Variants in ST7L observed in about 807,000 individuals in gnomAD.
ST7L encodes the protein suppression of tumorigenicity 7 like.
A neutral mutation model predicts 72.5 loss-of-function variants in ST7L; 57 were observed. That is an observed-to-expected ratio of 0.79 (90% CI 0.64 to 0.98). The LOEUF is 0.98. ST7L is among the 50% of genes least tolerant of loss of function. ST7L has a pLI of 0.00. For synonymous variants in ST7L, 221 were observed against 240.9 expected (o/e 0.92, Z 0.77); for missense variants, 576 against 672.2 (o/e 0.86, Z 1.58).
intron 6 of ST7L, among the ~76,000 whole-genome samples, chr1:112,590,178 C>A (rs1428647748): frequency 6.6e-6 from 1 of 152,048 alleles, no homozygotes; most frequent in Non-Finnish European, 1.5e-5. Context: ...TTCAGAAAGC[C>A]AACAGACAGG....
At chr1:112,572,985 C>T (rs1571103687) in intron 11 of ST7L, among the ~76,000 whole-genome samples, 2 of 151,932 alleles carry the variant, frequency 1.3e-5, no homozygotes, top group South Asian at 4.1e-4. Context: ...AAGTTCTTGG[C>T]AAAAACAAGT....
At chr1:112,607,051 A>G (rs1239678732) in intron 3 of ST7L, 1 of 152,218 alleles carries the variant, frequency 6.6e-6, no homozygotes, top group Non-Finnish European at 1.5e-5. Flanking sequence ...TTAATTTCTA[A>G]TATGATAAAT....
At chr1:112,591,835 AGGGT>A (rs1037423687) in intron 5 of ST7L, among the ~76,000 whole-genome samples, 1 of 152,190 alleles carries the variant, frequency 6.6e-6, no homozygotes, top group Non-Finnish European at 1.5e-5. Flanking sequence ...AACAATATAC[AGGGT>A]ACCTAAACAA....
chr1:112,584,870 T>C (rs911023357), intron 6 of ST7L, among the ~76,000 whole-genome samples: 2 of 152,220 alleles, frequency 1.3e-5, no homozygotes, highest in African/African-American at 2.4e-5. Flanking sequence ...ATTGGGAAGA[T>C]AGTCCCTTGG....
At chr1:112,584,948 A>T (rs1231747244) in intron 6 of ST7L, among the ~76,000 whole-genome samples, 2 of 152,162 alleles carry the variant, frequency 1.3e-5, no homozygotes, top group Non-Finnish European at 2.9e-5. Flanking sequence ...CCCAAATCTG[A>T]GTACTCCCCT....
chr1:112,567,861 T>G lies in ST7L; in HGVS notation c.1245+9125A>C, dbSNP rs185532631. On this transcript the variant is annotated intron_variant, in intron 11 of 14. Coordinates refer to ENST00000358039, the MANE Select transcript of ST7L (RefSeq NM_017744.5). ...TTTTATATTTGAATATAAAATAAAA[T>G]TTAGAAGAATTCAGCTATAGTATGC... Among the ~76,000 whole-genome samples, 11 of 152,294 alleles carry G rather than the reference T, an allele frequency of 7.2e-5. No homozygotes were observed. In the East Asian group the frequency reaches 2.1e-3, roughly 29 times the overall value.
intron 14 of ST7L, chr1:112,528,823 G>A (rs1653883357): frequency 6.6e-6 from 1 of 152,166 alleles, no homozygotes. Context: ...AGGCCATAGT[G>A]AATAGAAGAG....
chr1:112,614,224 T>G (rs1669504052), intron 2 of ST7L, among the ~76,000 whole-genome samples: 1 of 139,952 alleles, frequency 7.1e-6, no homozygotes, highest in Non-Finnish European at 1.5e-5. Context: ...CTGCTTAATA[T>G]TGATAGTTTC....
Position 112,540,704 on chromosome 1 carries a change from T to C in ST7L, c.1629+1247A>G, listed in dbSNP as rs2101371882. On this transcript the variant is annotated intron_variant, in intron 14 of 14. Coordinates refer to ENST00000358039, the MANE Select transcript of ST7L (RefSeq NM_017744.5). ...TTTAAGGCACAAAATAAACTATTCT[T>C]AAGGCAGAAAAAGAAACTGTGAGGA... is the stretch of plus-strand genomic sequence containing the variant. 4 of 1,209,402 alleles carry C rather than the reference T, an allele frequency of 3.3e-6. 1 individual carries two copies. Among genetic ancestry groups the C allele is most frequent in the Middle Eastern group, 7.3e-4 (2 of 2,728 alleles). 74.9% of individuals were successfully genotyped at this position (1,209,402 alleles called of 1,614,324 possible).
At chr1:112,550,495 C>T in intron 13 of ST7L, 106 bp downstream of exon 13, 2 of 748,108 alleles carry the variant, frequency 2.7e-6, no homozygotes, top group Non-Finnish European at 2.2e-6. Context: ...AGTATTTAAA[C>T]AGTGTCCTGA....
At chr1:112,534,531 A>G (rs930121937) in intron 14 of ST7L, among the ~76,000 whole-genome samples, 1 of 152,194 alleles carries the variant, frequency 6.6e-6, no homozygotes, top group Non-Finnish European at 1.5e-5. Context: ...CTTGGTTTAG[A>G]ATTGTAATAT....
chr1:112,575,674 A>T (rs562401745), intron 11 of ST7L, among the ~76,000 whole-genome samples: 1 of 152,332 alleles, frequency 6.6e-6, no homozygotes, highest in Admixed American at 6.5e-5. Context: ...TCAGAACGGC[A>T]TGCAACTTAA....
chr1:112,533,167 C>T (rs1412510964), intron 14 of ST7L, among the ~76,000 whole-genome samples: 1 of 150,556 alleles, frequency 6.6e-6, no homozygotes, highest in Admixed American at 6.6e-5. Flanking sequence ...TATTATTGTA[C>T]ATTTTAAGCA....
chr1:112,583,329 G>A (rs1664400760), intron 7 of ST7L, among the ~76,000 whole-genome samples: 1 of 152,156 alleles, frequency 6.6e-6, no homozygotes. Flanking sequence ...ATAGCAGGAA[G>A]CAGCATCATT....
At chr1:112,610,216 G>A (rs1251149130) in intron 3 of ST7L, among the ~76,000 whole-genome samples, 19 of 152,044 alleles carry the variant, frequency 1.2e-4, no homozygotes, top group African/African-American at 2.4e-5. Context: ...ACCTTACCCC[G>A]GATTTCTTTC....
intron 14 of ST7L, among the ~76,000 whole-genome samples, chr1:112,531,125 A>G (rs894821925): frequency 6.6e-6 from 1 of 152,172 alleles, no homozygotes; most frequent in Non-Finnish European, 1.5e-5. Flanking sequence ...AACTCTTACT[A>G]TTCTATTCTT....
chr1:112,551,578 G>T (rs947022784), intron 12 of ST7L, among the ~76,000 whole-genome samples: 2 of 151,988 alleles, frequency 1.3e-5, no homozygotes, highest in Admixed American at 1.3e-4. Flanking sequence ...ATTGGCTAAG[G>T]CTGTTTTCAT....
chr1:112,527,769 T>C (rs879712036), intron 14 of ST7L: 1 of 152,328 alleles, frequency 6.6e-6, no homozygotes, highest in African/African-American at 2.4e-5. Context: ...GGTTAACTCC[T>C]TCCCAATTGT....
intron 11 of ST7L, among the ~76,000 whole-genome samples, chr1:112,556,600 G>A (rs1046708958): frequency 6.6e-6 from 1 of 152,124 alleles, no homozygotes; most frequent in Admixed American, 6.6e-5. Context: ...CTGTTCTGTG[G>A]AGCTACATAA....
Sources: gnomAD v4.1 joint callset for allele counts (sites outside exome capture counted in the v4.1 genomes callset) on GRCh38, gnomAD v4.1.1 for gene constraint, MANE v1.5 for transcripts, NCBI Gene and HGNC (gene_info 2026-07-23, HGNC 2026-07-21) for gene names.